DNM1: variants seen among roughly 807,000 people sequenced by gnomAD.
DNM1 encodes the protein dynamin 1.
In DNM1, 29 loss-of-function variants were observed where a neutral mutation model predicts 104.6. The ratio of observed to expected loss-of-function variants is 0.28; its 90% CI spans 0.21 to 0.38. DNM1 has a LOEUF of 0.38. Ranked by LOEUF, DNM1 falls within the 10% of genes least tolerant of loss-of-function variation. The pLI, the probability that DNM1 is intolerant of heterozygous loss-of-function variation, is 1.00. For synonymous variants in DNM1, 445 were observed against 475.8 expected, an observed-to-expected ratio of 0.94 and a Z score of 0.84; for missense variants, 640 against 1,189.4, an observed-to-expected ratio of 0.54 and a Z score of 6.79.
chr9:128,242,176 C>T, intron 14 of DNM1, 56 bp from the exon 15 acceptor site: 1 of 993,774 alleles, frequency 1.0e-6, no homozygotes, highest in Non-Finnish European at 1.6e-6. Flanking sequence ...CCTACCCCAT[C>T]CCCCATGGGG....
intron 1 of DNM1, among the ~76,000 whole-genome samples, chr9:128,216,890 C>T (rs1380177775): frequency 6.6e-6 from 1 of 152,172 alleles, no homozygotes; most frequent in Non-Finnish European, 1.5e-5. Context: ...TCTCAATGGT[C>T]CCTCGGGCTT....
chr9:128,203,436 C>T lies in DNM1; in HGVS notation c.-35C>T, dbSNP rs778217684. 80 of 1,431,890 alleles carry T rather than the reference C, an allele frequency of 5.6e-5. No individual in the cohort carries two copies. The highest frequency in any genetic ancestry group is 7.0e-5 in the Non-Finnish European group (76 of 1,089,156). The allele number at this position is 1,431,890 out of a possible 1,614,324, so 88.7% of individuals were successfully genotyped here. On this transcript the variant is annotated 5_prime_UTR_variant, in exon 1 of 22. Coordinates refer to ENST00000372923, the MANE Select transcript of DNM1 (RefSeq NM_004408.4). This position sits in a 1 kb window ranked among gnomAD's most constrained non-coding sequence, Gnocchi z 5.3. ...GAGTCGGAGCCGGGAGCGCTAGCGG[C>T]AGCCGGATCGCAGCCTGCGGGGCCC...
chr9:128,248,605 G>A lies in DNM1; in HGVS notation c.1928G>A (p.Gly643Asp), dbSNP rs763245663. The A allele has an allele frequency of 3.7e-6, 6 of 1,613,978 alleles. No individual in the cohort carries two copies. Among genetic ancestry groups the A allele is most frequent in the Non-Finnish European group, 5.1e-6 (6 of 1,179,880 alleles). The part of the protein sequence containing the change: ...KEKASETEEN[G>D]SDSFMHSMDP... ...CAGGCCAGCGAGACCGAGGAGAATG[G>A]CTCCGACAGCTTCATGCATTCCATG... Residue 643 changes from glycine to aspartate, a missense_variant, in exon 19 of 22, where the codon GGC becomes GAC. By Grantham distance (94) the Gly-to-Asp change is moderately conservative. Around this residue, in one of 7 missense-constraint regions of DNM1, gnomAD observed 91 missense variants for 256.3 expected, o/e 0.36. Transcript: ENST00000372923. The surrounding 1 kb of genome is among the most constrained non-coding windows in gnomAD (Gnocchi z 5.6).
In DNM1 at chr9:128,243,187, A is replaced by T. The variant is rs1836497041; in HGVS notation, c.1671+842A>T. Among the ~76,000 whole-genome samples the T allele has an allele frequency of 6.6e-6, 1 of 152,098 alleles. No individual in the cohort carries two copies. The highest frequency in any genetic ancestry group is 1.5e-5 in the Non-Finnish European group (1 of 67,998). On this transcript the variant is annotated intron_variant, in intron 15 of 21. Coordinates refer to ENST00000372923, the MANE Select transcript of DNM1 (RefSeq NM_004408.4). This position sits in a 1 kb window ranked among gnomAD's most constrained non-coding sequence, Gnocchi z 4.0. ...CTCCCCGCCCACTAGGGTGCACAGA[A>T]GCCCCTGCCACCTCCTTCCCCTGTT...
rs61020870 is a variant in DNM1, at chr9:128,220,742, C to CGCGCGCGTGTGTGTGTGTGTGTGT, written c.849+402_849+403insCGCGCGTGTGTGTGTGTGTGTGTG. 2.1e-4 allele frequency among the ~76,000 whole-genome samples: 29 copies of CGCGCGCGTGTGTGTGTGTGTGTGT among 136,258 alleles called. No homozygotes were observed. Among genetic ancestry groups the CGCGCGCGTGTGTGTGTGTGTGTGT allele is most frequent in the African/African-American group, 6.9e-4 (26 of 37,700 alleles). The allele number at this position is 136,258 out of a possible 152,430, so 89.4% of individuals were successfully genotyped here. ...CAGAACTGAAGTGCGCGCGCGCGCG[C>CGCGCGCGTGTGTGTGTGTGTGTGT]GTGTGTGTGTGTGTGTGTGTGTGTG... On this transcript the variant is annotated intron_variant, in intron 6 of 21. Coordinates refer to ENST00000372923, the MANE Select transcript of DNM1 (RefSeq NM_004408.4). The surrounding 1 kb of genome is among the most constrained non-coding windows in gnomAD (Gnocchi z 5.2).
chr9:128,218,264 C>T lies in DNM1; in HGVS notation c.195C>T (p.Thr65=). 2 of 1,614,082 alleles carry T rather than the reference C, an allele frequency of 1.2e-6. No individual in the cohort carries two copies. The highest frequency in any genetic ancestry group is 1.7e-6 in the Non-Finnish European group (2 of 1,180,010). The part of the protein sequence containing the change: ...DFLPRGSGIV[T]RRPLVLQLVN... Reference sequence around the variant, plus strand: ...TGCCTCGAGGATCTGGCATTGTCACCCGACGTCCCCTGGTCTTGCAGCTGG... The same window carrying T: ...TGCCTCGAGGATCTGGCATTGTCACTCGACGTCCCCTGGTCTTGCAGCTGG... The change falls in exon 2 of 22, where the codon ACC becomes ACT. Residue 65 remains threonine, a synonymous_variant. Coordinates refer to ENST00000372923, the MANE Select transcript of DNM1 (RefSeq NM_004408.4). The surrounding 1 kb of genome is among the most constrained non-coding windows in gnomAD (Gnocchi z 4.8).
intron 1 of DNM1, among the ~76,000 whole-genome samples, chr9:128,215,966 C>T (rs548513360): frequency 1.3e-4 from 20 of 151,064 alleles, no homozygotes; most frequent in African/African-American, 3.4e-4. Flanking sequence ...CTGGAAGTCA[C>T]GCCCCCAAAG....
At chr9:128,250,403 C>G (rs1389902659) in intron 20 of DNM1, 47 bp downstream of exon 20, 1 of 1,515,716 alleles carries the variant, frequency 6.6e-7, no homozygotes, top group South Asian at 1.2e-5. Context: ...AGCCCGGGGC[C>G]CGCGGGAGGA....
Position 128,224,672 on chromosome 9 carries a change from A to C in DNM1, c.1335+283A>C, listed in dbSNP as rs1835237385. Among the ~76,000 whole-genome samples, 1 of 151,736 alleles carries C rather than the reference A, an allele frequency of 6.6e-6. No homozygotes were observed. The highest frequency in any genetic ancestry group is 2.1e-4 in the South Asian group (1 of 4,776). ...CACCAAGAGCTCCCCCAGCTCAGAGAATAGGGCTTGAGGGGACCCTGAGCC... is the reference window on the plus strand; with the variant it reads ...CACCAAGAGCTCCCCCAGCTCAGAGCATAGGGCTTGAGGGGACCCTGAGCC... On this transcript the variant is annotated intron_variant, in intron 10 of 21. Transcript: ENST00000372923. This position sits in a 1 kb window ranked among gnomAD's most constrained non-coding sequence, Gnocchi z 4.3.
chr9:128,239,423 A>G (rs1281354036), intron 11 of DNM1, 22 bp from the exon 12 acceptor site: 1 of 1,610,038 alleles, frequency 6.2e-7, no homozygotes, highest in African/African-American at 1.3e-5. Flanking sequence ...GCGCTTGCCC[A>G]CCAACCTATG....
chr9:128,221,694 G>A (rs1467373285), intron 6 of DNM1, among the ~76,000 whole-genome samples: 4 of 152,086 alleles, frequency 2.6e-5, no homozygotes, highest in Admixed American at 1.3e-4. Flanking sequence ...CCAAAAGTTC[G>A]ACACCAGCCT....
chr9:128,248,647 G>A lies in DNM1; in HGVS notation c.1970G>A (p.Arg657Gln). ...FMHSMDPQLE[R>Q]QVETIRNLVD... is the part of the protein sequence containing the mutation. Reference sequence around the variant, plus strand: ...CATTCCATGGACCCACAGCTGGAACGGCAAGTGGAGACCATCCGGAATCTT... The same window carrying A: ...CATTCCATGGACCCACAGCTGGAACAGCAAGTGGAGACCATCCGGAATCTT... Residue 657 changes from arginine (R) to glutamine (Q), a missense_variant, in exon 19 of 22, where the codon CGG (arginine) becomes CAG (glutamine). Around this residue, in one of 7 missense-constraint regions of DNM1, gnomAD observed 91 missense variants for 256.3 expected, o/e 0.36. Coordinates refer to ENST00000372923, the MANE Select transcript of DNM1 (RefSeq NM_004408.4). The surrounding 1 kb of genome is among the most constrained non-coding windows in gnomAD (Gnocchi z 5.6). 1 of 1,614,062 alleles carries A rather than the reference G, an allele frequency of 6.2e-7. No individual in the cohort carries two copies. Among genetic ancestry groups the A allele is most frequent in the East Asian group, 2.2e-5 (1 of 44,876 alleles).
Position 128,222,459 on chromosome 9 carries a change from A to G in DNM1, c.993-2A>G. 1 of 1,614,072 alleles carries G rather than the reference A, an allele frequency of 6.2e-7. No individual in the cohort carries two copies. Among genetic ancestry groups the G allele is most frequent in the Non-Finnish European group, 8.5e-7 (1 of 1,179,998 alleles). On this transcript the variant is annotated splice_acceptor_variant, in intron 7 of 21. Transcript: ENST00000372923. LOFTEE classifies it high-confidence loss of function. The surrounding 1 kb of genome is among the most constrained non-coding windows in gnomAD (Gnocchi z 7.8). Reference sequence around the variant, plus strand: ...CCTCAGGCCACACCACTCTCCCACCAGGATGGTCCAGCAGTTCGCCGTAGA... The same window carrying G: ...CCTCAGGCCACACCACTCTCCCACCGGGATGGTCCAGCAGTTCGCCGTAGA...
chr9:128,242,107 C>A lies in DNM1; in HGVS notation c.1558-125C>A, dbSNP rs1836405334. The stretch of plus-strand genomic sequence containing the variant: ...CAAGGCAGGTCTGGCCCCCACCCTC[C>A]CTGACTGCCAGGCCTCAGAGAGCTG... On this transcript the variant is annotated intron_variant, in intron 14 of 21. Coordinates refer to ENST00000372923, the MANE Select transcript of DNM1 (RefSeq NM_004408.4). 3 of 683,898 alleles carry A rather than the reference C, an allele frequency of 4.4e-6. No homozygotes were observed. The Admixed American group carries it at 6.8e-5, about 15-fold the overall frequency. 42.4% of individuals were successfully genotyped at this position (683,898 alleles called of 1,614,324 possible).
In DNM1 at chr9:128,218,800, C is replaced by G; in HGVS notation, c.385+69C>G. The G allele has an allele frequency of 4.0e-6, 6 of 1,502,694 alleles. No individual in the cohort carries two copies. The highest frequency in any genetic ancestry group is 5.3e-6 in the Non-Finnish European group (6 of 1,121,884). 93.1% of individuals were successfully genotyped at this position (1,502,694 alleles called of 1,614,324 possible). A position where few individuals can be genotyped will look rare whatever the true frequency, so the allele number is the denominator to read the frequency against. On this transcript the variant is annotated intron_variant, in intron 3 of 21. Coordinates refer to ENST00000372923, the MANE Select transcript of DNM1 (RefSeq NM_004408.4). This position sits in a 1 kb window ranked among gnomAD's most constrained non-coding sequence, Gnocchi z 4.8. Reference sequence around the variant, plus strand: ...TGGCCACGCACCTCTGCGTGCCTCGCTCCTCCTGCAGACTCCGCCCCTAGA... The same window carrying G: ...TGGCCACGCACCTCTGCGTGCCTCGGTCCTCCTGCAGACTCCGCCCCTAGA...
chr9:128,214,278 C>T (rs2502731), intron 1 of DNM1, among the ~76,000 whole-genome samples: 96,007 of 151,916 alleles, frequency 0.63, 30,450 homozygotes, highest in Admixed American at 0.71. Flanking sequence ...AGCCATCAGT[C>T]TGTATAAGCC....
chr9:128,234,203 T>C, intron 11 of DNM1, 96 bp downstream of exon 11: 3 of 996,492 alleles, frequency 3.0e-6, no homozygotes, highest in South Asian at 1.7e-5. Flanking sequence ...CCTTCTTGTT[T>C]TGTCTCTTCT....
intron 1 of DNM1, among the ~76,000 whole-genome samples, chr9:128,208,909 G>A (rs370226854): frequency 1.1e-4 from 17 of 152,154 alleles, no homozygotes; most frequent in African/African-American, 3.6e-4. Context: ...ACTTCCGCAG[G>A]TGCAGGGACT....
At chr9:128,216,172 C>T (rs1176480237) in intron 1 of DNM1, among the ~76,000 whole-genome samples, 1 of 152,202 alleles carries the variant, frequency 6.6e-6, no homozygotes, top group East Asian at 1.9e-4. Context: ...TCATCATCTC[C>T]CATCCCCAGA....
Sources: allele counts gnomAD v4.1 joint callset (sites outside exome capture counted in the v4.1 genomes callset), GRCh38; gene constraint gnomAD v4.1.1; regional missense constraint gnomAD v4.1.1; non-coding constraint Gnocchi (gnomAD v3.1); transcripts MANE v1.5; gene names NCBI Gene and HGNC (gene_info 2026-07-23, HGNC 2026-07-21).